Variants in PANK1 observed in about 807,000 individuals in gnomAD.
PANK1 encodes pantothenic acid kinase 1.
A neutral mutation model predicts 40.1 loss-of-function variants in PANK1; 18 were observed. The ratio of observed to expected loss-of-function variants is 0.45; its 90% confidence interval spans 0.31 to 0.67. PANK1 has a LOEUF of 0.67. PANK1 is among the 30% of genes least tolerant of loss of function. PANK1 has a pLI of 0.06. For synonymous variants in PANK1, 242 were observed against 237.7 expected, an observed-to-expected ratio of 1.02 and a Z score of -0.17; for missense variants, 457 against 599.6, an observed-to-expected ratio of 0.76 and a Z score of 2.48.
intron 2 of PANK1, among the ~76,000 whole-genome samples, chr10:89,610,176 T>A (rs190898333): frequency 6.6e-6 from 1 of 152,346 alleles, no homozygotes; most frequent in East Asian, 1.9e-4. Flanking sequence ...TCACTTTCAG[T>A]TCTGAAGTCT....
chr10:89,615,404 A>AT (rs1845288504), intron 1 of PANK1, among the ~76,000 whole-genome samples: 1 of 152,136 alleles, frequency 6.6e-6, no homozygotes, highest in African/African-American at 2.4e-5. Context: ...ACGCCTGAAG[A>AT]TTTTTTGTTA....
chr10:89,618,435 T>A (rs1845384535), intron 1 of PANK1, among the ~76,000 whole-genome samples: 1 of 152,158 alleles, frequency 6.6e-6, no homozygotes, highest in South Asian at 2.1e-4. Flanking sequence ...ATCACCTGAG[T>A]AACAGCCTAA....
Position 89,593,233 on chromosome 10 carries a change from G to T in PANK1, c.1164C>A (p.Asn388Lys). Residue 388 changes from asparagine to lysine, a missense_variant, in exon 5 of 7, where the codon AAC becomes AAA. Transcript: ENST00000307534. ...CGCACATCCGAGCAATGGAGCCAAT[G>T]TTGTTGGTGATGGTGACCAATGTGG... ...ARATLVTITN[N>K]IGSIARMCAL... The T allele has an allele frequency of 6.2e-7, 1 of 1,613,826 alleles. No individual in the cohort carries two copies. The highest frequency in any genetic ancestry group is 8.5e-7 in the Non-Finnish European group (1 of 1,179,732).
At chr10:89,620,876 C>T (rs1386114299) in intron 1 of PANK1, among the ~76,000 whole-genome samples, 1 of 152,172 alleles carries the variant, frequency 6.6e-6, no homozygotes, top group Non-Finnish European at 1.5e-5. Context: ...CCGGCCAACA[C>T]TTAGGGAAAA....
chr10:89,598,234 G>A (rs7089984), intron 3 of PANK1, among the ~76,000 whole-genome samples: 93,139 of 152,090 alleles, frequency 0.61, 29,047 homozygotes, highest in East Asian at 0.93. Context: ...TTTATCACAA[G>A]TCATGGAAAT....
chr10:89,640,993 C>T (rs1346005678), intron 1 of PANK1, among the ~76,000 whole-genome samples: 3 of 152,186 alleles, frequency 2.0e-5, no homozygotes, highest in Admixed American at 2.0e-4. Flanking sequence ...ACACTTGGGC[C>T]TTAAATTATT....
At chr10:89,585,012 A>G (rs1489622341) in intron 6 of PANK1, among the ~76,000 whole-genome samples, 1 of 152,216 alleles carries the variant, frequency 6.6e-6, no homozygotes, top group Non-Finnish European at 1.5e-5. Context: ...ATAAATTTTT[A>G]GAGAACTATG....
intron 5 of PANK1, among the ~76,000 whole-genome samples, chr10:89,589,805 A>G (rs1010932013): frequency 6.6e-6 from 1 of 151,912 alleles, no homozygotes; most frequent in Non-Finnish European, 1.5e-5. Flanking sequence ...AAATCACCCA[A>G]ACTAAGAGGT....
chr10:89,629,857 G>A (rs1176769318), intron 1 of PANK1, among the ~76,000 whole-genome samples: 1 of 152,196 alleles, frequency 6.6e-6, no homozygotes, highest in African/African-American at 2.4e-5. Context: ...AATCAAAACT[G>A]ATTCAGTAGT....
intron 6 of PANK1, among the ~76,000 whole-genome samples, chr10:89,586,399 G>C (rs983762610): frequency 4.6e-5 from 7 of 152,042 alleles, no homozygotes; most frequent in Non-Finnish European, 8.8e-5. Context: ...TTCTGGCTGT[G>C]GGGGGTAGGG....
intron 1 of PANK1, among the ~76,000 whole-genome samples, chr10:89,623,714 G>A (rs1845575455): frequency 6.6e-6 from 1 of 152,090 alleles, no homozygotes; most frequent in African/African-American, 2.4e-5. Flanking sequence ...CTCAACAACA[G>A]TTCCTTCTCT....
intron 1 of PANK1, among the ~76,000 whole-genome samples, chr10:89,623,363 A>G (rs551263509): frequency 6.6e-6 from 1 of 151,934 alleles, no homozygotes; most frequent in African/African-American, 2.4e-5. Flanking sequence ...CTGGGACTAC[A>G]GGCACCCACC....
chr10:89,599,436 A>T lies in PANK1; in HGVS notation c.715T>A (p.Ser239Thr), dbSNP rs753762806. ...CLIQGLLYVD[S>T]VGFNGKPECY... The stretch of plus-strand genomic sequence containing the variant: ...TCTGGCTTGCCGTTGAAGCCAACAG[A>T]GTCGACATAAAGCAGGCCCTGAATC... The change falls in exon 3 of 7, where the codon TCT (serine) becomes ACT (threonine). Residue 239 changes from serine (S) to threonine (T), a missense_variant. Physicochemically the swap from Ser to Thr is moderately conservative, Grantham distance 58. Transcript: ENST00000307534. 6.2e-7 allele frequency: 1 copy of T among 1,613,654 alleles called. No homozygotes were observed. Among genetic ancestry groups the T allele is most frequent in the Admixed American group, 1.7e-5 (1 of 60,020 alleles).
chr10:89,589,817 G>A (rs756598407), intron 5 of PANK1, among the ~76,000 whole-genome samples: 6 of 150,306 alleles, frequency 4.0e-5, no homozygotes, highest in Non-Finnish European at 8.9e-5. Flanking sequence ...CTAAGAGGTA[G>A]CAAGGAACAC....
chr10:89,641,260 G>T (rs994957253), intron 1 of PANK1, among the ~76,000 whole-genome samples: 13 of 152,024 alleles, frequency 8.6e-5, no homozygotes, highest in Admixed American at 7.2e-4. Flanking sequence ...TTTTATACTG[G>T]TTTTTCTAAT....
chr10:89,630,251 C>G (rs1277884391), intron 1 of PANK1, among the ~76,000 whole-genome samples: 1 of 152,160 alleles, frequency 6.6e-6, no homozygotes, highest in Non-Finnish European at 1.5e-5. Flanking sequence ...TATAAGAATT[C>G]AGAAGAAGTT....
intron 1 of PANK1, among the ~76,000 whole-genome samples, chr10:89,637,425 T>C (rs762936353): frequency 5.3e-5 from 8 of 152,262 alleles, no homozygotes; most frequent in Non-Finnish European, 1.2e-4. Context: ...ACCTAGGCTA[T>C]ATGGTAAACC....
At chr10:89,586,357 C>T (rs185047428) in intron 6 of PANK1, among the ~76,000 whole-genome samples, 11 of 151,972 alleles carry the variant, frequency 7.2e-5, no homozygotes, top group Admixed American at 2.6e-4. Context: ...TCAAACAAAA[C>T]CTTACATGGA....
chr10:89,621,722 T>C (rs923644995), intron 1 of PANK1, among the ~76,000 whole-genome samples: 1 of 151,008 alleles, frequency 6.6e-6, no homozygotes, highest in Non-Finnish European at 1.5e-5. Flanking sequence ...TCTTTATTTT[T>C]ACTTTTAGGG....
Sources: allele counts gnomAD v4.1 joint callset (sites outside exome capture counted in the v4.1 genomes callset), GRCh38; gene constraint gnomAD v4.1.1; transcripts MANE v1.5; gene names NCBI Gene and HGNC (gene_info 2026-07-23, HGNC 2026-07-21).